Variants in RTN4 observed in about 807,000 individuals in gnomAD.
RTN4 encodes reticulon 4.
RTN4 carries 32 observed loss-of-function variants against 90.4 expected under a neutral mutation model. That is an observed-to-expected ratio of 0.35 (90% CI 0.27 to 0.48). The LOEUF is 0.48. Among genes scored for constraint, RTN4 ranks in the 20% least tolerant of loss-of-function variants. The pLI is 0.99. For missense variants in RTN4, 1,706 were observed against 1,430.2 expected, an observed-to-expected ratio of 1.19 and a Z score of -3.11; for synonymous variants, 629 against 552.5, an observed-to-expected ratio of 1.14 and a Z score of -1.94.
intron 3 of RTN4, among the ~76,000 whole-genome samples, chr2:54,988,418 A>G (rs143622220): frequency 4.3e-4 from 65 of 152,356 alleles, no homozygotes; most frequent in African/African-American, 1.4e-3. Flanking sequence ...TTAACACACT[A>G]AAATGAGATA....
At chr2:55,130,646 G>C in the RTN4 span, among the ~76,000 whole-genome samples, 1 of 152,136 alleles carries the variant, frequency 6.6e-6, no homozygotes, top group Non-Finnish European at 1.5e-5. Context: ...AGCTACTTGG[G>C]AGGCTGAGGC....
chr2:55,063,215 A>G (rs190046446), intron 2 of RTN4, among the ~76,000 whole-genome samples: 3 of 152,386 alleles, frequency 2.0e-5, no homozygotes, highest in East Asian at 3.9e-4. Context: ...TTGGTAAATT[A>G]TATTTTAAAA....
rs189973541 is a variant in RTN4 at position 55,042,144 on chromosome 2, T to C, written c.556+7601A>G. ...TGTATTAGTTCACTAATATACTGTG[T>C]TGGTAAAGATATAAGGGAAAAGGTA... On this transcript the variant is annotated intron_variant, in intron 1 of 8. Transcript: ENST00000337526. 1.2e-4 allele frequency among the ~76,000 whole-genome samples: 18 copies of C among 152,228 alleles called. No individual in the cohort carries two copies. In the Middle Eastern group the frequency reaches 0.014, roughly 115 times the overall value.
chr2:54,994,865 A>G (rs1447252348), intron 3 of RTN4, among the ~76,000 whole-genome samples: 1 of 152,246 alleles, frequency 6.6e-6, no homozygotes, highest in East Asian at 1.9e-4. Context: ...AATGACATGT[A>G]ACAGAACCAA....
At chr2:55,046,913 C>CA (rs1198850429) in intron 1 of RTN4, 1 of 152,232 alleles carries the variant, frequency 6.6e-6, no homozygotes, top group African/African-American at 2.4e-5. Context: ...CCAACCTCAG[C>CA]ATTCCAACAC....
At chr2:55,095,194 T>C (rs1669009229) in intron 1 of RTN4, among the ~76,000 whole-genome samples, 1 of 152,008 alleles carries the variant, frequency 6.6e-6, no homozygotes. Context: ...AGTAGAGGCA[T>C]GTGCCTGTAA....
At chr2:55,009,881 G>A (rs954915971) in intron 3 of RTN4, among the ~76,000 whole-genome samples, 4 of 151,674 alleles carry the variant, frequency 2.6e-5, no homozygotes, top group Admixed American at 6.6e-5. Flanking sequence ...AGACTAAACC[G>A]AATGCCAGTG....
At chr2:54,997,856 T>C (rs1679554121) in intron 3 of RTN4, among the ~76,000 whole-genome samples, 1 of 152,320 alleles carries the variant, frequency 6.6e-6, no homozygotes, top group East Asian at 1.9e-4. Flanking sequence ...ATTGTTAAAG[T>C]TGTTAATTTC....
At chr2:55,111,061 A>T (rs895998706) in intron 1 of RTN4, among the ~76,000 whole-genome samples, 5 of 132,392 alleles carry the variant, frequency 3.8e-5, no homozygotes, top group African/African-American at 1.3e-4. Flanking sequence ...TAATAATAAT[A>T]ATAATGTATC....
intron 3 of RTN4, among the ~76,000 whole-genome samples, chr2:55,005,243 C>T (rs1052893724): frequency 2.6e-5 from 4 of 152,132 alleles, no homozygotes; most frequent in Admixed American, 6.5e-5. Flanking sequence ...ATTTTAATTT[C>T]GCTGTGACAC....
chr2:55,029,426 C>T (rs780981782), intron 1 of RTN4, among the ~76,000 whole-genome samples: 1 of 152,110 alleles, frequency 6.6e-6, no homozygotes, highest in Non-Finnish European at 1.5e-5. Flanking sequence ...ATGGTTTACA[C>T]TAGAGAAAGG....
chr2:55,027,420 C>G lies in RTN4; in HGVS notation c.679G>C (p.Val227Leu). 3 of 1,613,538 alleles carry G rather than the reference C, an allele frequency of 1.9e-6. No homozygotes were observed. The highest frequency in any genetic ancestry group is 2.2e-5 in the South Asian group (2 of 91,046). The stretch of plus-strand genomic sequence containing the variant: ...AGAGAAGCAGCAGTTTCAAGCAGGA[C>G]AGATGGGAAATCCTCTTGACCAGCC... ...ISAGQEDFPS[V>L]LLETAASLPS... The change falls in exon 3 of 9, where the codon GTC becomes CTC. Residue 227 changes from valine (V) to leucine (L), a missense_variant. Val to Leu is a conservative substitution (Grantham distance 32). Coordinates refer to ENST00000337526, the MANE Select transcript of RTN4 (RefSeq NM_020532.5).
chr2:54,976,331 G>T (rs1000488589), intron 5 of RTN4, among the ~76,000 whole-genome samples: 1 of 152,152 alleles, frequency 6.6e-6, no homozygotes, highest in Non-Finnish European at 1.5e-5. Flanking sequence ...GCCTCTTTGA[G>T]AACACTTCCT....
At chr2:55,079,691 G>A (rs1227232218) in intron 2 of RTN4, among the ~76,000 whole-genome samples, 1 of 152,174 alleles carries the variant, frequency 6.6e-6, no homozygotes, top group Non-Finnish European at 1.5e-5. Context: ...TCAGAGACCA[G>A]CAATTTTCTG....
chr2:55,064,576 C>T (rs988750319), intron 2 of RTN4, among the ~76,000 whole-genome samples: 5 of 152,110 alleles, frequency 3.3e-5, no homozygotes, highest in African/African-American at 4.8e-5. Flanking sequence ...GTCTCAAACT[C>T]CTGACCTCAG....
intron 1 of RTN4, among the ~76,000 whole-genome samples, chr2:55,096,422 T>A (rs1464730278): frequency 6.6e-6 from 1 of 152,090 alleles, no homozygotes; most frequent in South Asian, 2.1e-4. Flanking sequence ...TTTTGATTCC[T>A]CATTCTCCCA....
At chr2:55,037,712 G>A (rs898255820) in intron 1 of RTN4, among the ~76,000 whole-genome samples, 14 of 152,036 alleles carry the variant, frequency 9.2e-5, no homozygotes, top group African/African-American at 2.7e-4. Flanking sequence ...ATCCTAAGAC[G>A]TCACTTATCC....
intron 3 of RTN4, among the ~76,000 whole-genome samples, chr2:55,006,026 A>G (rs1680194372): frequency 6.6e-6 from 1 of 152,190 alleles, no homozygotes; most frequent in South Asian, 2.1e-4. Context: ...ACTAGATGGA[A>G]TTAAAATATT....
At chr2:54,974,356 T>C (rs1218106912) in intron 6 of RTN4, among the ~76,000 whole-genome samples, 1 of 152,260 alleles carries the variant, frequency 6.6e-6, no homozygotes, top group Non-Finnish European at 1.5e-5. Flanking sequence ...CTCCGCTCAC[T>C]GCAACCTCTG....
Sources: allele counts gnomAD v4.1 joint callset (sites outside exome capture counted in the v4.1 genomes callset), GRCh38; gene constraint gnomAD v4.1.1; transcripts MANE v1.5; gene names NCBI Gene and HGNC (gene_info 2026-07-23, HGNC 2026-07-21).